The following SLC4A5 variants were observed in gnomAD, a reference collection of about 807,000 sequenced individuals.
SLC4A5 encodes solute carrier family 4 member 5.
In SLC4A5, 96 loss-of-function variants were observed where a neutral mutation model predicts 120.4. That is an observed-to-expected ratio of 0.80 (90% CI 0.68 to 0.94). The LOEUF is 0.94. Among genes scored for constraint, SLC4A5 ranks in the 40% least tolerant of loss-of-function variants. The pLI is 0.00. For missense variants in SLC4A5, 1,259 were observed against 1,459.5 expected, an observed-to-expected ratio of 0.86 and a Z score of 2.24; for synonymous variants, 550 against 571.1, an observed-to-expected ratio of 0.96 and a Z score of 0.53.
intron 5 of SLC4A5, among the ~76,000 whole-genome samples, chr2:74,323,859 T>C: frequency 6.6e-6 from 1 of 152,180 alleles, no homozygotes; most frequent in East Asian, 1.9e-4. Flanking sequence ...GTGGCTAATA[T>C]CTAACTTCAA....
At position 74,264,489 on chromosome 2, in the gene SLC4A5, C is replaced by T. The variant is rs937594248; in HGVS notation, c.563-190G>A. Among the ~76,000 whole-genome samples, 9 of 143,652 alleles carry T rather than the reference C, an allele frequency of 6.3e-5. No individual in the cohort carries two copies. The East Asian group carries it at 8.4e-4, about 13-fold the overall frequency. 94.2% of individuals were successfully genotyped at this position (143,652 alleles called of 152,430 possible). ...CTTGGCCTCCTCCTGTTCAAGGGCA[C>T]GTGTGTGTGTGTGTGTGTGTGTGTG... On this transcript the variant is annotated intron_variant, in intron 9 of 30. Transcript: ENST00000394019.
At chr2:74,307,960 C>T (rs1672697522) in intron 6 of SLC4A5, 1 of 551,090 alleles carries the variant, frequency 1.8e-6, no homozygotes, top group Non-Finnish European at 3.5e-6. Flanking sequence ...TGGACAGAGC[C>T]CAGGGACCAG....
exon 16 of SLC4A5, chr2:74,252,244 G>A (rs1381198645): frequency 6.2e-7 from 1 of 1,610,262 alleles, no homozygotes; most frequent in Non-Finnish European, 8.5e-7. Context: ...CATCCCCGCT[G>A]CTTGTTCCGC....
chr2:74,250,683 G>C, intron 16 of SLC4A5, 166 bp from the exon 17 acceptor site: 3 of 774,426 alleles, frequency 3.9e-6, no homozygotes, highest in Non-Finnish European at 6.1e-6. Flanking sequence ...ATGAATTCCT[G>C]TAGGACTGAG....
intron 5 of SLC4A5, among the ~76,000 whole-genome samples, chr2:74,327,144 A>G (rs556665508): frequency 7.4e-4 from 113 of 152,352 alleles, no homozygotes; most frequent in African/African-American, 2.5e-3. Context: ...AAGCATAGTA[A>G]TGAATCCTTA....
intron 24 of SLC4A5, among the ~76,000 whole-genome samples, 178 bp from the exon 25 acceptor site, chr2:74,231,486 C>A (rs937836330): frequency 6.6e-6 from 1 of 152,138 alleles, no homozygotes; most frequent in Non-Finnish European, 1.5e-5. Context: ...GGAAGACAGG[C>A]GGCCCCTGAC....
At chr2:74,336,337 G>A (rs1316593576) in intron 3 of SLC4A5, among the ~76,000 whole-genome samples, 1 of 152,112 alleles carries the variant, frequency 6.6e-6, no homozygotes, top group African/African-American at 2.4e-5. Context: ...CCAAAGTGCT[G>A]GGATTACAGG....
At chr2:74,245,116 C>T (rs1297288477) in intron 19 of SLC4A5, among the ~76,000 whole-genome samples, 1 of 152,022 alleles carries the variant, frequency 6.6e-6, no homozygotes, top group African/African-American at 2.4e-5. Context: ...GTCAAGAGAT[C>T]GAAACCATCC....
intron 24 of SLC4A5, 47 bp from the exon 25 acceptor site, chr2:74,231,355 C>CAACT (rs1356761613): frequency 6.4e-7 from 1 of 1,573,224 alleles, no homozygotes; most frequent in African/African-American, 1.3e-5. Flanking sequence ...AAATGCCTGG[C>CAACT]AACTACTCTG....
intron 11 of SLC4A5, among the ~76,000 whole-genome samples, chr2:74,261,092 C>T (rs17009784): frequency 0.15 from 23,301 of 152,178 alleles, 2,347 homozygotes; most frequent in African/African-American, 0.28. Context: ...TTCCCCTGTG[C>T]GCTGTGTTCT....
At chr2:74,322,202 A>T (rs1673115786) in intron 5 of SLC4A5, among the ~76,000 whole-genome samples, 1 of 151,746 alleles carries the variant, frequency 6.6e-6, no homozygotes, top group Admixed American at 6.6e-5. Context: ...AAAAAAAAAA[A>T]TCTCTATATT....
At chr2:74,323,365 A>G (rs1673141306) in intron 5 of SLC4A5, among the ~76,000 whole-genome samples, 1 of 152,230 alleles carries the variant, frequency 6.6e-6, no homozygotes, top group African/African-American at 2.4e-5. Context: ...ATTTCCAGAC[A>G]TGTAAAAAAT....
chr2:74,306,102 G>A (rs1157090226), intron 6 of SLC4A5, among the ~76,000 whole-genome samples: 1 of 152,190 alleles, frequency 6.6e-6, no homozygotes, highest in African/African-American at 2.4e-5. Context: ...CAGAGCAGGA[G>A]CATTGCCATC....
At chr2:74,249,856 G>A (rs1670737559) in intron 17 of SLC4A5, among the ~76,000 whole-genome samples, 1 of 152,212 alleles carries the variant, frequency 6.6e-6, no homozygotes, top group South Asian at 2.1e-4. Context: ...CATTGGAGAA[G>A]ACCCTTGCCT....
At chr2:74,328,096 T>C (rs1457491482) in intron 5 of SLC4A5, 24 bp downstream of exon 5, 2 of 985,028 alleles carry the variant, frequency 2.0e-6, no homozygotes, top group Non-Finnish European at 2.4e-6. Flanking sequence ...CTACTTTCTC[T>C]GAAGCTTCCA....
At chr2:74,236,743 G>C (rs1231235494) in intron 21 of SLC4A5, among the ~76,000 whole-genome samples, 1 of 152,132 alleles carries the variant, frequency 6.6e-6, no homozygotes, top group Non-Finnish European at 1.5e-5. Context: ...ACATGAACTT[G>C]ACTTTTTTTG....
chr2:74,281,599 A>G (rs902399475), intron 8 of SLC4A5, among the ~76,000 whole-genome samples: 7 of 152,306 alleles, frequency 4.6e-5, no homozygotes, highest in African/African-American at 1.7e-4. Context: ...CATTGATCAC[A>G]TTAGAAATGA....
intron 8 of SLC4A5, among the ~76,000 whole-genome samples, chr2:74,285,392 G>A (rs1053027170): frequency 1.3e-5 from 2 of 152,140 alleles, no homozygotes; most frequent in East Asian, 3.9e-4. Flanking sequence ...CTGCATATAT[G>A]GGCCATTGTT....
At chr2:74,264,848 C>T (rs1268915102) in intron 9 of SLC4A5, among the ~76,000 whole-genome samples, 4 of 152,112 alleles carry the variant, frequency 2.6e-5, no homozygotes, top group African/African-American at 9.7e-5. Context: ...ATGCAAGAGG[C>T]CCTCTCCCCT....
Sources: allele counts gnomAD v4.1 joint callset (sites outside exome capture counted in the v4.1 genomes callset), GRCh38; gene constraint gnomAD v4.1.1; transcripts MANE v1.5; gene names NCBI Gene and HGNC (gene_info 2026-07-23, HGNC 2026-07-21).